The following DENND2A variants were observed in gnomAD, a reference collection of about 807,000 sequenced individuals.
The protein encoded by DENND2A is DENN domain containing 2A, also known as DENN domain-containing protein 2A.
A neutral mutation model predicts 105.3 loss-of-function variants in DENND2A; 53 were observed. The observed-to-expected ratio is 0.50, with a 90% CI of 0.40 to 0.63. DENND2A has a LOEUF of 0.63. Ranked by LOEUF, DENND2A falls within the 30% of genes least tolerant of loss-of-function variation. The pLI is 0.00. For missense variants in DENND2A, 1,138 were observed against 1,279.6 expected (o/e 0.89, Z 1.69); for synonymous variants, 522 against 508.4 (o/e 1.03, Z -0.36).
chr7:140,624,868 G>GTTTTTTTTTTTTTTTTTTTTTT (rs1367069950), intron 1 of DENND2A, among the ~76,000 whole-genome samples: 1 of 109,218 alleles, frequency 9.2e-6, no homozygotes, highest in African/African-American at 3.8e-5. Context: ...GTTTTTTTTT[G>GTTTTTTTTTTTTTTTTTTTTTT]TTTTTTTTTT....
chr7:140,532,183 C>T (rs1371602867), intron 14 of DENND2A, among the ~76,000 whole-genome samples: 1 of 152,096 alleles, frequency 6.6e-6, no homozygotes, highest in African/African-American at 2.4e-5. Context: ...GCAGGAGAAT[C>T]GCTTGAATCC....
chr7:140,535,876 C>T (rs1009257193), intron 14 of DENND2A, among the ~76,000 whole-genome samples: 3 of 152,202 alleles, frequency 2.0e-5, no homozygotes, highest in African/African-American at 7.2e-5. Flanking sequence ...GCCACTGCAC[C>T]TGGCCGTCCT....
intron 1 of DENND2A, among the ~76,000 whole-genome samples, chr7:140,636,194 G>A (rs538557596): frequency 6.6e-6 from 1 of 152,250 alleles, no homozygotes; most frequent in African/African-American, 2.4e-5. Flanking sequence ...GCAACAATGC[G>A]TGTGGGCAGA....
intron 13 of DENND2A, chr7:140,545,003 T>A: frequency 5.2e-6 from 2 of 385,478 alleles, no homozygotes; most frequent in Non-Finnish European, 7.1e-6. Flanking sequence ...GCTATGAGAC[T>A]GAGGACAGTG....
At chr7:140,519,149 A>T (rs1468790962) in intron 19 of DENND2A, among the ~76,000 whole-genome samples, 1 of 152,136 alleles carries the variant, frequency 6.6e-6, no homozygotes, top group Non-Finnish European at 1.5e-5. Context: ...GGAGGGCCTC[A>T]CTGCTGCAGA....
At chr7:140,567,680 G>A (rs911700909) in intron 8 of DENND2A, among the ~76,000 whole-genome samples, 7 of 152,050 alleles carry the variant, frequency 4.6e-5, no homozygotes, top group Non-Finnish European at 7.3e-5. Flanking sequence ...CATTTCCCTC[G>A]TCTTTTGGTT....
intron 14 of DENND2A, among the ~76,000 whole-genome samples, chr7:140,540,724 C>CT (rs375517319): frequency 0.011 from 1,586 of 146,264 alleles, 28 homozygotes; most frequent in African/African-American, 0.035. Context: ...TTCTTTCTTT[C>CT]TTTTTTTTTT....
intron 1 of DENND2A, among the ~76,000 whole-genome samples, chr7:140,623,398 G>A (rs1422364641): frequency 6.6e-6 from 1 of 151,280 alleles, no homozygotes; most frequent in East Asian, 2.0e-4. Flanking sequence ...TCTTAGTAAG[G>A]CTGTAGTCAG....
rs768627231 is a variant in DENND2A, at chr7:140,555,662, G to A, written c.2011C>T (p.Leu671=). The A allele has an allele frequency of 6.2e-7, 1 of 1,609,828 alleles. No homozygotes were observed. The highest frequency in any genetic ancestry group is 8.5e-7 in the Non-Finnish European group (1 of 1,178,836). ...LPEVYCIVSR[L]GCFSLFSRIL... is the part of the protein sequence containing the mutation. ...CTTGAAAAGAGGCTGAAGCATCCCA[G>A]GCGGCTCACAATGCAGTAAACTTCA... The change falls in exon 12 of 20, where the codon CTG becomes TTG. Residue 671 remains leucine, a synonymous_variant. Transcript: ENST00000496613.
intron 9 of DENND2A, among the ~76,000 whole-genome samples, chr7:140,563,802 C>T (rs1466688007): frequency 6.6e-6 from 1 of 151,370 alleles, no homozygotes. Flanking sequence ...AGGAAGACCT[C>T]GTCTCTACGA....
intron 7 of DENND2A, 50 bp downstream of exon 7, chr7:140,569,595 A>C (rs1473823210): frequency 2.3e-6 from 3 of 1,300,348 alleles, no homozygotes; most frequent in Admixed American, 1.7e-5. Context: ...TTCTGGAAAG[A>C]ATCTCTTTTC....
intron 1 of DENND2A, among the ~76,000 whole-genome samples, chr7:140,618,387 C>T (rs575377665): frequency 6.6e-6 from 1 of 152,300 alleles, no homozygotes; most frequent in Admixed American, 6.5e-5. Flanking sequence ...TCTTCCTTCT[C>T]TCTGTTCTCA....
chr7:140,624,329 G>C (rs1800418672), intron 1 of DENND2A, among the ~76,000 whole-genome samples: 1 of 151,346 alleles, frequency 6.6e-6, no homozygotes, highest in African/African-American at 2.4e-5. Context: ...AGTCTAGTGA[G>C]GAAATTCAAG....
chr7:140,555,611 C>T, intron 12 of DENND2A, 25 bp downstream of exon 12: 4 of 1,610,362 alleles, frequency 2.5e-6, no homozygotes, highest in South Asian at 1.1e-5. Flanking sequence ...TTCCCTTCCT[C>T]TTTCTCTGAG....
intron 11 of DENND2A, 90 bp from the exon 12 acceptor site, chr7:140,555,803 C>T (rs1585621044): frequency 9.7e-7 from 1 of 1,033,192 alleles, no homozygotes; most frequent in East Asian, 2.5e-5. Flanking sequence ...CTATCATGTG[C>T]CAGATGTTTC....
upstream of DENND2A, among the ~76,000 whole-genome samples, chr7:140,640,983 T>TG (rs1382649966): frequency 2.0e-5 from 3 of 146,666 alleles, no homozygotes; most frequent in Admixed American, 6.7e-5. The surrounding 1 kb of genome is among the most constrained non-coding windows in gnomAD (Gnocchi z 4.9). Flanking sequence ...CCTCTCGGGG[T>TG]GGGGGAGAGG....
At chr7:140,617,269 TG>T (rs1800116481) in intron 1 of DENND2A, among the ~76,000 whole-genome samples, 1 of 152,246 alleles carries the variant, frequency 6.6e-6, no homozygotes, top group Admixed American at 6.5e-5. Flanking sequence ...ACCCAGATGC[TG>T]ATGCTTGGAG....
Position 140,591,738 on chromosome 7 carries a change from TCTC to T in DENND2A, c.996-3961_996-3959del, listed in dbSNP as rs1239040955. On this transcript the variant is annotated intron_variant, in intron 3 of 19. Transcript: ENST00000496613. ...CTCTCTCTTTCCTTTCCTTTCTCTC[TCTC>T]TTTTCTTTCTCTTTCCCTCCCTCCT... Among the ~76,000 whole-genome samples the T allele has an allele frequency of 1.5e-4, 23 of 150,718 alleles. No individual in the cohort carries two copies. In the East Asian group the frequency reaches 4.5e-3, roughly 30 times the overall value.
intron 3 of DENND2A, among the ~76,000 whole-genome samples, chr7:140,594,952 C>A (rs1799222929): frequency 6.6e-6 from 1 of 151,972 alleles, no homozygotes; most frequent in Non-Finnish European, 1.5e-5. Context: ...TTGACCTTGT[C>A]ATCCGCCTGC....
Sources: allele counts gnomAD v4.1 joint callset (sites outside exome capture counted in the v4.1 genomes callset), GRCh38; gene constraint gnomAD v4.1.1; non-coding constraint Gnocchi (gnomAD v3.1); transcripts MANE v1.5; gene names NCBI Gene and HGNC (gene_info 2026-07-23, HGNC 2026-07-21).